SNX7: variants seen among roughly 807,000 people sequenced by gnomAD.
SNX7 encodes the protein sorting nexin 7.
In SNX7, 35 loss-of-function variants were observed where a neutral mutation model predicts 48.4. That is an observed-to-expected ratio of 0.72 (90% CI 0.55 to 0.96). The LOEUF (loss-of-function observed/expected upper bound fraction) is 0.96. Ranked by LOEUF, SNX7 falls within the 40% of genes least tolerant of loss-of-function variation. The pLI, the probability that SNX7 is intolerant of heterozygous loss-of-function variation, is 0.00. For synonymous variants in SNX7, 190 were observed against 190.2 expected, an observed-to-expected ratio of 1.00 and a Z score of 0.01; for missense variants, 553 against 548.9, an observed-to-expected ratio of 1.01 and a Z score of -0.07.
At chr1:98,742,351 G>A (rs1654112887) in intron 8 of SNX7, among the ~76,000 whole-genome samples, 1 of 151,952 alleles carries the variant, frequency 6.6e-6, no homozygotes, top group South Asian at 2.1e-4. Flanking sequence ...GCTGTGATCC[G>A]GCCCTGCTCT....
At chr1:98,674,157 A>G (rs1041564894) in intron 1 of SNX7, among the ~76,000 whole-genome samples, 4 of 152,198 alleles carry the variant, frequency 2.6e-5, no homozygotes, top group African/African-American at 9.7e-5. Context: ...GAAATATTTT[A>G]ATCATGATTT....
At chr1:98,692,417 G>A (rs532846318) in intron 4 of SNX7, among the ~76,000 whole-genome samples, 2 of 152,198 alleles carry the variant, frequency 1.3e-5, no homozygotes, top group Non-Finnish European at 2.9e-5. Flanking sequence ...ATGGTACTTA[G>A]CAAGCAATTC....
At chr1:98,688,711 T>C (rs557043898) in intron 2 of SNX7, among the ~76,000 whole-genome samples, 99 of 152,220 alleles carry the variant, frequency 6.5e-4, no homozygotes, top group Non-Finnish European at 1.2e-3. Context: ...CAAGCTTTTA[T>C]GGTCAAACAT....
intron 4 of SNX7, among the ~76,000 whole-genome samples, chr1:98,693,100 T>C (rs1254176966): frequency 6.6e-6 from 1 of 152,124 alleles, no homozygotes; most frequent in Non-Finnish European, 1.5e-5. Context: ...CTACTTTATT[T>C]TGAGTAATAA....
chr1:98,677,225 T>G (rs922008066), intron 1 of SNX7: 1 of 152,248 alleles, frequency 6.6e-6, no homozygotes, highest in Non-Finnish European at 1.5e-5. Context: ...TAATTATCCT[T>G]ATGTTTCAGT....
rs1395284788 is a variant in SNX7, at chr1:98,695,580, A to G, written c.702A>G (p.Arg234=). ...GLLSRMGQTV[R]AVASSMRGVK... ...TAAGCAGGATGGGGCAAACCGTCAG[A>G]GCTGTTGCGTCCTCAATGAGAGGAG... Residue 234 remains arginine, a synonymous_variant, in exon 5 of 9, where the codon AGA becomes AGG. Transcript: ENST00000306121. 6.2e-7 allele frequency: 1 copy of G among 1,614,164 alleles called. No individual in the cohort carries two copies. Among genetic ancestry groups the G allele is most frequent in the Non-Finnish European group, 8.5e-7 (1 of 1,180,022 alleles).
intron 1 of SNX7, among the ~76,000 whole-genome samples, chr1:98,677,134 A>G (rs1222371099): frequency 6.6e-6 from 1 of 152,252 alleles, no homozygotes; most frequent in Non-Finnish European, 1.5e-5. Context: ...ACCACTGCAG[A>G]GATAACTCAA....
intron 7 of SNX7, 142 bp from the exon 8 acceptor site, chr1:98,738,095 A>T: frequency 1.3e-6 from 1 of 799,454 alleles, no homozygotes; most frequent in Non-Finnish European, 1.9e-6. Flanking sequence ...TTTAATTAGT[A>T]CACAGAGTAA....
chr1:98,677,997 G>A (rs956935373), intron 1 of SNX7, among the ~76,000 whole-genome samples: 1,930 of 139,870 alleles, frequency 0.014, 32 homozygotes, highest in African/African-American at 0.057. Context: ...GTGCGTGTGT[G>A]TGTGTGTGTG....
At chr1:98,746,112 G>T (rs1010371429) in intron 8 of SNX7, among the ~76,000 whole-genome samples, 1 of 152,000 alleles carries the variant, frequency 6.6e-6, no homozygotes, top group Admixed American at 6.6e-5. Flanking sequence ...CATAGACTCC[G>T]AGAAACTGCC....
At chr1:98,674,439 C>T (rs1650048753) in intron 1 of SNX7, among the ~76,000 whole-genome samples, 1 of 152,206 alleles carries the variant, frequency 6.6e-6, no homozygotes, top group Non-Finnish European at 1.5e-5. Context: ...TGTCTCCACA[C>T]ATCCTATTCC....
At chr1:98,666,169 A>G (rs1415169596) in intron 1 of SNX7, among the ~76,000 whole-genome samples, 7 of 152,206 alleles carry the variant, frequency 4.6e-5, no homozygotes, top group African/African-American at 7.2e-5. Flanking sequence ...ATTCTCTCCA[A>G]TGATTTAAAT....
Position 98,706,631 on chromosome 1 carries a change from G to T in SNX7, c.1125+4728G>T, listed in dbSNP as rs575250356. On this transcript the variant is annotated intron_variant, in intron 7 of 8. Coordinates refer to ENST00000306121, the MANE Select transcript of SNX7 (RefSeq NM_015976.5). ...TGATGTGCATGTGGTATGTGCATGGGATGGAGGAAAGCCAGAGCCGGAGAG... is the reference window on the plus strand; with the variant it reads ...TGATGTGCATGTGGTATGTGCATGGTATGGAGGAAAGCCAGAGCCGGAGAG... 7.9e-5 allele frequency among the ~76,000 whole-genome samples: 12 copies of T among 152,318 alleles called. No individual in the cohort carries two copies. In the East Asian group the frequency reaches 2.3e-3, roughly 29 times the overall value.
rs1649257196 is a variant in SNX7 at position 98,662,028 on chromosome 1, G to T, written c.180+117G>T. On this transcript the variant is annotated intron_variant, in intron 1 of 8. Transcript: ENST00000306121. Reference sequence around the variant, plus strand: ...CCTCCCGGGGCGGTGGCTCTGAGCTGGGGACGAGTGAGGTCCCCCGGGCTG... The same window carrying T: ...CCTCCCGGGGCGGTGGCTCTGAGCTTGGGACGAGTGAGGTCCCCCGGGCTG... The T allele has an allele frequency of 2.7e-6, 3 of 1,099,316 alleles. No homozygotes were observed. In the East Asian group the frequency reaches 9.8e-5, roughly 36 times the overall value. The allele number at this position is 1,099,316 out of a possible 1,614,324, so 68.1% of individuals were successfully genotyped here. A position where few individuals can be genotyped will look rare whatever the true frequency, so the allele number is the denominator to read the frequency against.
At chr1:98,682,438 A>G (rs1372768222) in intron 1 of SNX7, among the ~76,000 whole-genome samples, 2 of 152,188 alleles carry the variant, frequency 1.3e-5, no homozygotes, top group Non-Finnish European at 2.9e-5. Context: ...TTGGAGAAGT[A>G]AAGAAGCTTC....
At chr1:98,674,163 G>T (rs1488253819) in intron 1 of SNX7, among the ~76,000 whole-genome samples, 15 of 152,224 alleles carry the variant, frequency 9.9e-5, no homozygotes, top group Admixed American at 6.5e-4. Context: ...TTTTAATCAT[G>T]ATTTCTTCCT....
chr1:98,688,669 C>T lies in SNX7; in HGVS notation c.364-2406C>T, dbSNP rs952012159. Among the ~76,000 whole-genome samples the T allele has an allele frequency of 3.3e-5, 5 of 152,156 alleles. No individual in the cohort carries two copies. In the South Asian group the frequency reaches 6.2e-4, roughly 19 times the overall value. ...TAAATGCTTTTGGGGGTAGAGATCA[C>T]ACAAGTTCATTAGTACTAAACTTCA... On this transcript the variant is annotated intron_variant, in intron 2 of 8. Transcript: ENST00000306121.
At chr1:98,756,055 T>C (rs1360543706) in intron 8 of SNX7, among the ~76,000 whole-genome samples, 1 of 152,012 alleles carries the variant, frequency 6.6e-6, no homozygotes, top group Non-Finnish European at 1.5e-5. Context: ...TACATCTCTT[T>C]GTGGTGTATT....
At chr1:98,721,056 T>A (rs1652843648) in intron 7 of SNX7, among the ~76,000 whole-genome samples, 1 of 151,414 alleles carries the variant, frequency 6.6e-6, no homozygotes, top group African/African-American at 2.4e-5. Context: ...TCCCAATAGA[T>A]GTTCATTTTT....
Sources: allele counts gnomAD v4.1 joint callset (sites outside exome capture counted in the v4.1 genomes callset), GRCh38; gene constraint gnomAD v4.1.1; transcripts MANE v1.5; gene names NCBI Gene and HGNC (gene_info 2026-07-23, HGNC 2026-07-21).